Variants in SOX5 observed in about 807,000 individuals in gnomAD.
SOX5 encodes the protein transcription factor SOX-5.
SOX5 carries 9 observed loss-of-function variants against 92.0 expected under a neutral mutation model. The ratio of observed to expected loss-of-function variants is 0.10; its 90% CI spans 0.06 to 0.17. The LOEUF is 0.17. SOX5 is among the 10% of genes least tolerant of loss of function. The probability of loss-of-function intolerance (pLI) is 1.00; values close to 1 mark genes in which losing one functional copy is unlikely to be tolerated. For missense variants in SOX5, 642 were observed against 944.5 expected (o/e 0.68, Z 4.20); for synonymous variants, 344 against 336.3 (o/e 1.02, Z -0.25).
At chr12:24,139,223 T>G (rs1354043760) in intron 4 of SOX5, among the ~76,000 whole-genome samples, 1 of 152,188 alleles carries the variant, frequency 6.6e-6, no homozygotes, top group South Asian at 2.1e-4. Context: ...AATCCATAAA[T>G]AAGAGTTTAG....
chr12:24,174,289 G>T (rs1954553097), intron 4 of SOX5, among the ~76,000 whole-genome samples: 1 of 152,156 alleles, frequency 6.6e-6, no homozygotes, highest in African/African-American at 2.4e-5. Flanking sequence ...GTGAGCCACT[G>T]CACCCGGCAG....
chr12:24,200,031 T>C lies in SOX5; in HGVS notation c.-2+13312A>G, dbSNP rs549891304. 3.9e-5 allele frequency among the ~76,000 whole-genome samples: 6 copies of C among 152,184 alleles called. No homozygotes were observed. The South Asian group carries it at 1.2e-3, about 32-fold the overall frequency. ...TTAAAGTGTAAAACTGGGGGAAAAA[T>C]ATCAAGGATTGAATGAACCCACTCC... On this transcript the variant is annotated intron_variant, in intron 4 of 4. Transcript: ENST00000446891.
chr12:23,951,981 T>C (rs7132803), upstream of SOX5, among the ~76,000 whole-genome samples: 111,269 of 152,006 alleles, frequency 0.73, 40,854 homozygotes, highest in Admixed American at 0.81. Flanking sequence ...CAATCTAATA[T>C]ACTCTAATGG....
In SOX5 at chr12:24,234,042, G is replaced by A. The variant is rs75173203; in HGVS notation, c.-76-20625C>T. ...ATTTGGTCTGTCCAAATCTACACAC[G>A]GAATCCGAGGCCAACTTCCTCATAC... On this transcript the variant is annotated intron_variant, in intron 3 of 4. Coordinates refer to the SOX5 transcript ENST00000446891. Among the ~76,000 whole-genome samples, 11 of 152,258 alleles carry A rather than the reference G, an allele frequency of 7.2e-5. No individual in the cohort carries two copies. In the East Asian group the frequency reaches 1.5e-3, roughly 21 times the overall value.
rs184021184 is a variant in SOX5, at chr12:24,041,851, C to T, written c.-1-145827G>A. ...GAATGTTCCTGTGACAGATGACAAACTAATAAATTTGGTAAGACTTGCTTT... is the reference window on the plus strand; with the variant it reads ...GAATGTTCCTGTGACAGATGACAAATTAATAAATTTGGTAAGACTTGCTTT... On this transcript the variant is annotated intron_variant, in intron 4 of 4. Coordinates refer to the SOX5 transcript ENST00000446891. 5.9e-5 allele frequency among the ~76,000 whole-genome samples: 9 copies of T among 152,188 alleles called. No individual in the cohort carries two copies. The East Asian group carries it at 1.3e-3, about 23-fold the overall frequency.
intron 3 of SOX5, among the ~76,000 whole-genome samples, chr12:23,845,725 A>G (rs2096567956): frequency 6.6e-6 from 1 of 152,138 alleles, no homozygotes; most frequent in Admixed American, 6.5e-5. Flanking sequence ...GCCACATTCT[A>G]TTCTTGAATC....
intron 3 of SOX5, among the ~76,000 whole-genome samples, chr12:23,764,945 GAT>G (rs1262262387): frequency 6.6e-6 from 1 of 151,966 alleles, no homozygotes; most frequent in Non-Finnish European, 1.5e-5. Flanking sequence ...TGCCTGAAAA[GAT>G]ATGAACAATA....
At chr12:24,287,259 T>C (rs555458561) in intron 2 of SOX5, among the ~76,000 whole-genome samples, 94 of 152,354 alleles carry the variant, frequency 6.2e-4, no homozygotes, top group African/African-American at 2.1e-3. Flanking sequence ...TTTTAGTTAA[T>C]AAAACACATG....
chr12:23,711,525 A>G (rs1476029087), intron 6 of SOX5, among the ~76,000 whole-genome samples: 1 of 152,200 alleles, frequency 6.6e-6, no homozygotes, highest in Non-Finnish European at 1.5e-5. Flanking sequence ...TATTAATAAC[A>G]TTTGAGATTA....
intron 4 of SOX5, among the ~76,000 whole-genome samples, chr12:24,150,940 A>T (rs1424899089): frequency 6.6e-6 from 1 of 152,148 alleles, no homozygotes; most frequent in Non-Finnish European, 1.5e-5. Context: ...GGAAAACATG[A>T]TCATTGCACA....
chr12:23,893,466 T>C (rs1595438068), intron 2 of SOX5, among the ~76,000 whole-genome samples: 1 of 151,682 alleles, frequency 6.6e-6, no homozygotes, highest in Middle Eastern at 3.4e-3. Context: ...ATAGGAATGG[T>C]TTCATTTGTA....
At chr12:24,463,536 TCTAA>T (rs1013147548) in intron 1 of SOX5, among the ~76,000 whole-genome samples, 6 of 152,198 alleles carry the variant, frequency 3.9e-5, no homozygotes, top group African/African-American at 1.4e-4. Flanking sequence ...ACAGATTTTA[TCTAA>T]CTAATAAACC....
intron 1 of SOX5, among the ~76,000 whole-genome samples, chr12:24,480,767 A>G (rs2137796992): frequency 6.6e-6 from 1 of 152,216 alleles, no homozygotes; most frequent in East Asian, 1.9e-4. Context: ...AAGTGCTAGC[A>G]AGGATTTGGA....
At chr12:24,423,097 C>T (rs867947183) in intron 1 of SOX5, among the ~76,000 whole-genome samples, 1 of 152,196 alleles carries the variant, frequency 6.6e-6, no homozygotes, top group Non-Finnish European at 1.5e-5. Flanking sequence ...TAAATTATGG[C>T]TAATATCAGA....
At chr12:23,609,610 T>C (rs1249972271) in intron 8 of SOX5, among the ~76,000 whole-genome samples, 1 of 152,198 alleles carries the variant, frequency 6.6e-6, no homozygotes, top group African/African-American at 2.4e-5. Context: ...ACCCATCATC[T>C]ATTCTCATTT....
chr12:23,757,693 C>T (rs539228339), intron 3 of SOX5, among the ~76,000 whole-genome samples: 36 of 152,008 alleles, frequency 2.4e-4, no homozygotes, highest in African/African-American at 8.7e-4. Flanking sequence ...AGCAGGAATG[C>T]AGCAATAGAA....
chr12:23,939,129 T>C (rs1010594002), intron 1 of SOX5, among the ~76,000 whole-genome samples: 1 of 151,118 alleles, frequency 6.6e-6, no homozygotes, highest in Admixed American at 6.6e-5. Context: ...CATAGACGCA[T>C]GGCTGAAACC....
chr12:24,399,689 C>A (rs912102822), intron 1 of SOX5, among the ~76,000 whole-genome samples: 50 of 152,252 alleles, frequency 3.3e-4, no homozygotes, highest in African/African-American at 1.2e-3. Flanking sequence ...AGCAGGAAGA[C>A]TATGGAAGTA....
At chr12:23,827,701 T>C (rs1300440242) in intron 3 of SOX5, among the ~76,000 whole-genome samples, 1 of 152,182 alleles carries the variant, frequency 6.6e-6, no homozygotes, top group Non-Finnish European at 1.5e-5. Flanking sequence ...CATGCTCACA[T>C]AAAAGACAGA....
Sources: allele counts gnomAD v4.1 joint callset (sites outside exome capture counted in the v4.1 genomes callset), GRCh38; gene constraint gnomAD v4.1.1; transcripts MANE v1.5; gene names NCBI Gene and HGNC (gene_info 2026-07-23, HGNC 2026-07-21).